BRCA1: variants seen among roughly 807,000 people sequenced by gnomAD.
The protein encoded by BRCA1 is breast cancer type 1 susceptibility protein.
A neutral mutation model predicts 173.7 loss-of-function variants in BRCA1; 140 were observed. The ratio of observed to expected loss-of-function variants is 0.81; its 90% CI spans 0.70 to 0.93. The LOEUF is 0.93. Ranked by LOEUF, BRCA1 falls within the 40% of genes least tolerant of loss-of-function variation. BRCA1 has a pLI of 0.00. For missense variants in BRCA1, 1,983 were observed against 2,172.5 expected (o/e 0.91, Z 1.73); for synonymous variants, 662 against 756.0 (o/e 0.88, Z 2.04).
intron 16 of BRCA1, 23 bp from the exon 17 acceptor site, chr17:43,063,974 A>C: frequency 1.2e-6 from 2 of 1,610,812 alleles, no homozygotes; most frequent in Non-Finnish European, 1.7e-6. Context: ...AAACACTCAA[A>C]GGATTAGAAG....
intron 1 of BRCA1, among the ~76,000 whole-genome samples, chr17:43,144,543 A>G (rs1444133491): frequency 6.6e-6 from 1 of 152,184 alleles, no homozygotes; most frequent in Non-Finnish European, 1.5e-5. Flanking sequence ...GAAACAAGGC[A>G]GGGAAAGATG....
chr17:43,079,145 G>C (rs1255601970), intron 12 of BRCA1, among the ~76,000 whole-genome samples: 1 of 152,110 alleles, frequency 6.6e-6, no homozygotes, highest in African/African-American at 2.4e-5. Context: ...TTGCACTCCA[G>C]CCTGGGCAAC....
chr17:43,123,882 A>T (rs1376105192), intron 2 of BRCA1, 135 bp downstream of exon 2: 6 of 735,564 alleles, frequency 8.2e-6, no homozygotes, highest in Non-Finnish European at 1.2e-5. Flanking sequence ...TCTTCAGTTA[A>T]GAAAATCAGC....
chr17:43,056,956 A>T (rs2153338163), intron 19 of BRCA1, 96 bp downstream of exon 19: 1 of 1,108,866 alleles, frequency 9.0e-7, no homozygotes, highest in Non-Finnish European at 1.4e-6. Context: ...TGTATGTAAT[A>T]AGTCTTACAA....
At chr17:43,075,171 T>G (rs2052655436) in intron 13 of BRCA1, among the ~76,000 whole-genome samples, 1 of 152,138 alleles carries the variant, frequency 6.6e-6, no homozygotes, top group Non-Finnish European at 1.5e-5. Context: ...ATACACAATA[T>G]TCTACTTGAG....
At position 43,156,651 on chromosome 17, in the gene BRCA1, G is replaced by A. The variant is rs867026943; in HGVS notation, c.-20+13475C>T. Among the ~76,000 whole-genome samples, 19 of 152,202 alleles carry A rather than the reference G, an allele frequency of 1.2e-4. 1 individual carries two copies. Among genetic ancestry groups the A allele is most frequent in the South Asian group, 1.2e-3 (6 of 4,828 alleles). On this transcript the variant is annotated intron_variant, in intron 1 of 7. Transcript: ENST00000634433. Reference sequence around the variant, plus strand: ...GATTGGTTACTAAATCCCTATTTCTGAGATAAGCTACATTTCAAAGAAATT... The same window carrying A: ...GATTGGTTACTAAATCCCTATTTCTAAGATAAGCTACATTTCAAAGAAATT...
At chr17:43,097,353 AT>A (rs1567804376) in intron 7 of BRCA1, 64 bp from the exon 8 acceptor site, 2 of 1,175,070 alleles carry the variant, frequency 1.7e-6, no homozygotes, top group Non-Finnish European at 2.5e-6. Context: ...GGTTAAAAAA[AT>A]GTACTTGTTG....
At chr17:43,073,240 A>T (rs192172777) in intron 14 of BRCA1, among the ~76,000 whole-genome samples, 135 of 152,186 alleles carry the variant, frequency 8.9e-4, no homozygotes, top group Middle Eastern at 3.4e-3. Context: ...GCAATTTTGT[A>T]AGAAAGGAAA....
At chr17:43,154,681 TAAG>T (rs1325881286) in intron 1 of BRCA1, among the ~76,000 whole-genome samples, 10 of 75,456 alleles carry the variant, frequency 1.3e-4, no homozygotes, top group South Asian at 7.7e-4. Context: ...AAGTGTTTAT[TAAG>T]TATCTACTAC....
chr17:43,156,173 G>A (rs1348937059), intron 1 of BRCA1, among the ~76,000 whole-genome samples: 1 of 151,970 alleles, frequency 6.6e-6, no homozygotes, highest in African/African-American at 2.4e-5. Context: ...GGAGGCGGAA[G>A]TTGCAGTCAG....
chr17:43,128,212 C>T (rs781191793), upstream of BRCA1, among the ~76,000 whole-genome samples: 2 of 152,124 alleles, frequency 1.3e-5, no homozygotes, highest in Non-Finnish European at 2.9e-5. Flanking sequence ...TCTGCAGCTT[C>T]ACTCCTGAAG....
At chr17:43,051,011 T>A (rs772224921) in intron 20 of BRCA1, 52 bp downstream of exon 20, 41 of 1,550,078 alleles carry the variant, frequency 2.6e-5, no homozygotes, top group Non-Finnish European at 3.7e-5. Context: ...AATACTCCAC[T>A]ATGTAAGACA....
upstream of BRCA1, among the ~76,000 whole-genome samples, chr17:43,126,987 C>T (rs867308428): frequency 5.1e-4 from 78 of 152,300 alleles, no homozygotes; most frequent in African/African-American, 1.7e-3. Flanking sequence ...GAGGGTGCGC[C>T]GGGTCCCCCA....
At chr17:43,169,331 G>A (rs953340090) in intron 1 of BRCA1, among the ~76,000 whole-genome samples, 2 of 152,106 alleles carry the variant, frequency 1.3e-5, no homozygotes, top group African/African-American at 4.8e-5. Flanking sequence ...ACCACGCCCG[G>A]CTAATTTTTG....
At position 43,105,222 on chromosome 17, in the gene BRCA1, T is replaced by C. The variant is rs8176134; in HGVS notation, c.213-266A>G. On this transcript the variant is annotated intron_variant, in intron 4 of 22. Coordinates refer to ENST00000357654, the MANE Select transcript of BRCA1 (RefSeq NM_007294.4). ...TCCACAGCAGATATAATGCATTGCA[T>C]AGAAAACTAGAGTACTTTTTTTTTT... Among the ~76,000 whole-genome samples, 2,241 of 152,216 alleles carry C rather than the reference T, an allele frequency of 0.015. 48 individuals carry two copies. The highest frequency in any genetic ancestry group is 0.051 in the African/African-American group (2,130 of 41,532).
chr17:43,152,443 G>A (rs1306699260), intron 1 of BRCA1, among the ~76,000 whole-genome samples: 2 of 152,190 alleles, frequency 1.3e-5, no homozygotes, highest in Non-Finnish European at 1.5e-5. Flanking sequence ...ACTCCAGGCC[G>A]GGTGCAGTGG....
chr17:43,128,817 CT>C (rs370442015), upstream of BRCA1, among the ~76,000 whole-genome samples: 102 of 142,044 alleles, frequency 7.2e-4, no homozygotes, highest in East Asian at 8.2e-4. Context: ...TCAGGCCACA[CT>C]TTTTTTTTTT....
At chr17:43,112,879 C>T (rs1227781476) in intron 3 of BRCA1, among the ~76,000 whole-genome samples, 4 of 151,974 alleles carry the variant, frequency 2.6e-5, no homozygotes, top group African/African-American at 9.7e-5. Flanking sequence ...TCTCGGCTCA[C>T]TGCAACCTCC....
chr17:43,063,276 T>A lies in BRCA1; in HGVS notation c.5193+57A>T, dbSNP rs2051846359. 2.1e-6 allele frequency: 3 copies of A among 1,431,120 alleles called. No individual in the cohort carries two copies. In the South Asian group the frequency reaches 3.5e-5, roughly 16 times the overall value. 88.7% of individuals were successfully genotyped at this position (1,431,120 alleles called of 1,614,324 possible). On this transcript the variant is annotated intron_variant, in intron 18 of 22. Transcript: ENST00000357654. Reference sequence around the variant, plus strand: ...CATTGATGGAAGGAAGCAAATACATTTTTAACTATATGACTGAATGAATAT... The same window carrying A: ...CATTGATGGAAGGAAGCAAATACATATTTAACTATATGACTGAATGAATAT...
Sources: allele counts gnomAD v4.1 joint callset (sites outside exome capture counted in the v4.1 genomes callset), GRCh38; gene constraint gnomAD v4.1.1; transcripts MANE v1.5; gene names NCBI Gene and HGNC (gene_info 2026-07-23, HGNC 2026-07-21).